The following HDAC4 variants were observed in gnomAD, a reference collection of about 807,000 sequenced individuals.
HDAC4 encodes histone deacetylase 4, also known as histone deacetylase A.
Under a neutral mutation model 135.1 loss-of-function variants are expected in HDAC4, and 16 were observed. The ratio of observed to expected loss-of-function variants is 0.12; its 90% confidence interval spans 0.08 to 0.18. The LOEUF is 0.18. Among genes scored for constraint, HDAC4 ranks in the 10% least tolerant of loss-of-function variants. HDAC4 has a pLI of 1.00. For synonymous variants in HDAC4, 685 were observed against 653.4 expected (o/e 1.05, Z -0.74); for missense variants, 1,143 against 1,511.8 (o/e 0.76, Z 4.05).
At chr2:239,212,377 A>C (rs2046392369) in intron 3 of HDAC4, among the ~76,000 whole-genome samples, 1 of 152,102 alleles carries the variant, frequency 6.6e-6, no homozygotes, top group African/African-American at 2.4e-5. Flanking sequence ...ACCCCATTCT[A>C]AAAGCAGTTT....
chr2:239,381,723 TC>T (rs1695430596), intron 1 of HDAC4, among the ~76,000 whole-genome samples: 1 of 152,202 alleles, frequency 6.6e-6, no homozygotes, highest in Non-Finnish European at 1.5e-5. Context: ...CAATTCATTG[TC>T]CCATGTGCTG....
Position 239,307,947 on chromosome 2 carries a change from G to A in HDAC4, c.22+44731C>T, listed in dbSNP as rs775521650. On this transcript the variant is annotated intron_variant, in intron 2 of 26. Transcript: ENST00000543185. This position sits in a 1 kb window ranked among gnomAD's most constrained non-coding sequence, Gnocchi z 4.8. ...CACCTGAAAACGGAACACAAGGCCC[G>A]GCAGCAACAGCCAGCAAAGTGTCCC... Among the ~76,000 whole-genome samples the A allele has an allele frequency of 1.2e-4, 19 of 152,114 alleles. No individual in the cohort carries two copies. The highest frequency in any genetic ancestry group is 2.1e-4 in the Non-Finnish European group (14 of 68,016).
At chr2:239,260,688 G>A (rs1049834704) in intron 2 of HDAC4, among the ~76,000 whole-genome samples, 3 of 152,210 alleles carry the variant, frequency 2.0e-5, no homozygotes, top group African/African-American at 7.2e-5. Context: ...AGCCTGCAAG[G>A]TTGGATGTGA....
At chr2:239,080,242 G>A (rs1027812139) in intron 22 of HDAC4, among the ~76,000 whole-genome samples, 1 of 152,230 alleles carries the variant, frequency 6.6e-6, no homozygotes, top group Non-Finnish European at 1.5e-5. Context: ...TTATATGTAT[G>A]TAAATCAGAA....
chr2:239,169,181 A>G (rs926362406), intron 5 of HDAC4, among the ~76,000 whole-genome samples: 2 of 152,182 alleles, frequency 1.3e-5, no homozygotes, highest in African/African-American at 2.4e-5. Context: ...CCCAGCTGAT[A>G]TTTAAATTTT....
At chr2:239,208,866 T>C (rs1288558273) in intron 3 of HDAC4, among the ~76,000 whole-genome samples, 1 of 152,060 alleles carries the variant, frequency 6.6e-6, no homozygotes, top group Non-Finnish European at 1.5e-5. Context: ...GGATAAAAAT[T>C]ATAAAATATA....
intron 2 of HDAC4, among the ~76,000 whole-genome samples, chr2:239,312,858 C>T (rs1028563311): frequency 1.3e-5 from 2 of 152,248 alleles, no homozygotes; most frequent in Admixed American, 6.5e-5. Context: ...GGGTAGGCCA[C>T]GTTCCCCCAG....
intron 3 of HDAC4, among the ~76,000 whole-genome samples, chr2:239,199,511 G>A (rs1044938137): frequency 6.6e-6 from 1 of 151,030 alleles, no homozygotes; most frequent in East Asian, 2.0e-4. Flanking sequence ...TCTCTTCCTC[G>A]GTTTGCCCAT....
intron 4 of HDAC4, chr2:239,186,690 G>C (rs975018218): frequency 1.3e-5 from 2 of 152,296 alleles, no homozygotes; most frequent in African/African-American, 2.4e-5. Flanking sequence ...AGCGACGTGA[G>C]GACTGGGGTC....
intron 2 of HDAC4, among the ~76,000 whole-genome samples, chr2:239,348,920 G>A (rs1002655250): frequency 1.3e-5 from 2 of 152,236 alleles, no homozygotes; most frequent in Non-Finnish European, 1.5e-5. Flanking sequence ...CAATAAAACC[G>A]TAACACAAAA....
At chr2:239,228,435 G>C (rs1239071166) in intron 3 of HDAC4, among the ~76,000 whole-genome samples, 1 of 152,144 alleles carries the variant, frequency 6.6e-6, no homozygotes, top group Non-Finnish European at 1.5e-5. Context: ...AAGTGAATGG[G>C]GTGCAAATAC....
intron 14 of HDAC4, among the ~76,000 whole-genome samples, chr2:239,110,974 C>T (rs906928812): frequency 1.3e-5 from 2 of 152,346 alleles, no homozygotes; most frequent in Non-Finnish European, 2.9e-5. Flanking sequence ...AAACCAAGGA[C>T]CCCTGCTGGC....
At position 239,328,757 on chromosome 2, in the gene HDAC4, C is replaced by T. The variant is rs554426548; in HGVS notation, c.22+23921G>A. On this transcript the variant is annotated intron_variant, in intron 2 of 26. Coordinates refer to ENST00000543185, the MANE Select transcript of HDAC4 (RefSeq NM_001378414.1). ...GCAGCCATACGCCTGACCTCTCGGG[C>T]GCCCGCTGGCCCTCTTTATCTCCAG... Among the ~76,000 whole-genome samples the T allele has an allele frequency of 1.2e-3, 187 of 152,306 alleles. No homozygotes were observed. In the South Asian group the frequency reaches 0.014, roughly 11 times the overall value.
intron 6 of HDAC4, among the ~76,000 whole-genome samples, chr2:239,158,957 G>A (rs1231269325): frequency 6.6e-6 from 1 of 151,686 alleles, no homozygotes; most frequent in Non-Finnish European, 1.5e-5. Context: ...ACTCACATCC[G>A]CACATCACAC....
intron 2 of HDAC4, among the ~76,000 whole-genome samples, chr2:239,328,990 GA>G (rs1236319659): frequency 1.3e-5 from 2 of 152,254 alleles, no homozygotes; most frequent in East Asian, 3.8e-4. Flanking sequence ...GAACCTGCCT[GA>G]AAGGCTGGGA....
chr2:239,324,790 G>A (rs2053422069), intron 2 of HDAC4, among the ~76,000 whole-genome samples: 1 of 152,236 alleles, frequency 6.6e-6, no homozygotes, highest in African/African-American at 2.4e-5. Flanking sequence ...GCGAGGTGCT[G>A]CTGTAGGGAC....
At chr2:239,380,422 T>C (rs1301302426) in intron 1 of HDAC4, among the ~76,000 whole-genome samples, 2 of 152,356 alleles carry the variant, frequency 1.3e-5, no homozygotes, top group African/African-American at 4.8e-5. Context: ...GCTATAGTTA[T>C]TGTATGTATA....
At chr2:239,114,183 G>C (rs768310432) in intron 13 of HDAC4, among the ~76,000 whole-genome samples, 25 of 152,182 alleles carry the variant, frequency 1.6e-4, no homozygotes, top group African/African-American at 5.5e-4. Flanking sequence ...GGTGCTGCTG[G>C]GGGTGGAGAT....
intron 1 of HDAC4, among the ~76,000 whole-genome samples, chr2:239,390,980 C>T (rs1696160379): frequency 6.6e-6 from 1 of 152,238 alleles, no homozygotes; most frequent in Admixed American, 6.5e-5. Context: ...GGGCAGCTCC[C>T]TCTCCCAGCA....
Sources: allele counts gnomAD v4.1 joint callset (sites outside exome capture counted in the v4.1 genomes callset), GRCh38; gene constraint gnomAD v4.1.1; non-coding constraint Gnocchi (gnomAD v3.1); transcripts MANE v1.5; gene names NCBI Gene and HGNC (gene_info 2026-07-23, HGNC 2026-07-21).